KIAA1958: variants seen among roughly 807,000 people sequenced by gnomAD.
The protein encoded by KIAA1958 is KIAA1958.
In KIAA1958, 14 loss-of-function variants were observed where a neutral mutation model predicts 47.2. The ratio of observed to expected loss-of-function variants is 0.30; its 90% CI spans 0.20 to 0.46. The LOEUF is 0.46. Ranked by LOEUF, KIAA1958 falls within the 20% of genes least tolerant of loss-of-function variation. The pLI, the probability that KIAA1958 is intolerant of heterozygous loss-of-function variation, is 1.00. For synonymous variants in KIAA1958, 354 were observed against 353.3 expected (o/e 1.00, Z -0.02); for missense variants, 803 against 909.2 (o/e 0.88, Z 1.50).
intron 2 of KIAA1958, among the ~76,000 whole-genome samples, chr9:112,593,128 G>T (rs181538376): frequency 1.3e-4 from 20 of 152,268 alleles, no homozygotes; most frequent in African/African-American, 4.8e-4. Flanking sequence ...TTGTAATGAT[G>T]TGTATTGCCT....
chr9:112,530,809 A>G (rs1211291957), intron 1 of KIAA1958, among the ~76,000 whole-genome samples: 1 of 152,198 alleles, frequency 6.6e-6, no homozygotes, highest in Non-Finnish European at 1.5e-5. Flanking sequence ...TGCTTAGTCT[A>G]AAAAAAGGAC....
chr9:112,488,863 C>T (rs936261874), intron 1 of KIAA1958, among the ~76,000 whole-genome samples: 6 of 152,060 alleles, frequency 3.9e-5, no homozygotes, highest in Non-Finnish European at 8.8e-5. Flanking sequence ...TATCTAGATT[C>T]TTGTCCCAGT....
chr9:112,538,781 A>G (rs1322491393), intron 1 of KIAA1958, among the ~76,000 whole-genome samples: 1 of 152,226 alleles, frequency 6.6e-6, no homozygotes, highest in Non-Finnish European at 1.5e-5. Flanking sequence ...ACAGTACTAT[A>G]TTAATATATT....
intron 2 of KIAA1958, among the ~76,000 whole-genome samples, chr9:112,579,117 A>G (rs1835696301): frequency 6.6e-6 from 1 of 152,030 alleles, no homozygotes; most frequent in Middle Eastern, 3.2e-3. Flanking sequence ...TCTCATGTAT[A>G]TTGGAAATAC....
At chr9:112,549,967 G>T (rs918853242) in intron 1 of KIAA1958, among the ~76,000 whole-genome samples, 2 of 152,238 alleles carry the variant, frequency 1.3e-5, no homozygotes, top group African/African-American at 2.4e-5. Context: ...GTAGGAAGGT[G>T]TTTTGCCAGC....
At chr9:112,553,743 T>G (rs1187150052) in intron 1 of KIAA1958, among the ~76,000 whole-genome samples, 1 of 152,208 alleles carries the variant, frequency 6.6e-6, no homozygotes, top group Non-Finnish European at 1.5e-5. Flanking sequence ...ATGACGTCAC[T>G]TATCACACAG....
intron 1 of KIAA1958, among the ~76,000 whole-genome samples, chr9:112,502,025 A>G (rs762934902): frequency 1.3e-5 from 2 of 152,228 alleles, no homozygotes; most frequent in Non-Finnish European, 2.9e-5. Flanking sequence ...TACTATGGCA[A>G]TCCAGAAGCT....
At chr9:112,587,622 C>G (rs1835848795) in intron 2 of KIAA1958, among the ~76,000 whole-genome samples, 1 of 152,170 alleles carries the variant, frequency 6.6e-6, no homozygotes, top group Non-Finnish European at 1.5e-5. Flanking sequence ...ACCTATCAGT[C>G]TGCTTTTTTA....
intron 1 of KIAA1958, among the ~76,000 whole-genome samples, chr9:112,545,167 G>C (rs1468770980): frequency 1.3e-5 from 2 of 152,064 alleles, no homozygotes; most frequent in Non-Finnish European, 2.9e-5. Flanking sequence ...GTCTACCGTT[G>C]ACCTCCATTA....
At chr9:112,636,520 C>G (rs1836806805) in intron 2 of KIAA1958, among the ~76,000 whole-genome samples, 1 of 151,980 alleles carries the variant, frequency 6.6e-6, no homozygotes, top group South Asian at 2.1e-4. Flanking sequence ...CTCTTTAATT[C>G]TTTTAATTTT....
At position 112,540,129 on chromosome 9, in the gene KIAA1958, A is replaced by G. The variant is rs560487084; in HGVS notation, c.-24-33928A>G. Among the ~76,000 whole-genome samples the G allele has an allele frequency of 1.8e-4, 27 of 152,334 alleles. No homozygotes were observed. In the East Asian group the frequency reaches 4.6e-3, roughly 26 times the overall value. ...AGGAAAGCAATATGCATTATTTTGTAAAATAGTGACATATGAGCATGGAAT... is the reference window on the plus strand; with the variant it reads ...AGGAAAGCAATATGCATTATTTTGTGAAATAGTGACATATGAGCATGGAAT... On this transcript the variant is annotated intron_variant, in intron 1 of 3. Coordinates refer to ENST00000337530, the MANE Select transcript of KIAA1958 (RefSeq NM_133465.4).
Position 112,507,774 on chromosome 9 carries a change from CTT to C in KIAA1958, c.-25+20658_-25+20659del, listed in dbSNP as rs757612885. 4.4e-4 allele frequency among the ~76,000 whole-genome samples: 67 copies of C among 152,084 alleles called. No homozygotes were observed. The East Asian group carries it at 4.4e-3, about 10-fold the overall frequency. Reference sequence around the variant, plus strand: ...TGTTTTTCTTTCTCTCTCTCTCTTTCTTTCTTTCTTTCTTTTTCTTTCTCTTT... The same window carrying C: ...TGTTTTTCTTTCTCTCTCTCTCTTTCTCTTTCTTTCTTTTTCTTTCTCTTT... On this transcript the variant is annotated intron_variant, in intron 1 of 3. Coordinates refer to ENST00000337530, the MANE Select transcript of KIAA1958 (RefSeq NM_133465.4).
intron 1 of KIAA1958, among the ~76,000 whole-genome samples, chr9:112,508,023 T>TA (rs1306957484): frequency 3.3e-5 from 5 of 152,190 alleles, no homozygotes; most frequent in Middle Eastern, 3.2e-3. Context: ...AATACATATC[T>TA]ATATATACAA....
chr9:112,623,228 C>G (rs2131221379), intron 2 of KIAA1958, among the ~76,000 whole-genome samples: 1 of 152,304 alleles, frequency 6.6e-6, no homozygotes, highest in East Asian at 1.9e-4. Context: ...TGACTATCAC[C>G]TCTTGAGCAC....
chr9:112,571,858 A>C (rs1436772102), intron 1 of KIAA1958, among the ~76,000 whole-genome samples: 1 of 150,970 alleles, frequency 6.6e-6, no homozygotes, highest in Non-Finnish European at 1.5e-5. Flanking sequence ...AATAAAATAA[A>C]AAAAGTTCAG....
chr9:112,535,629 CTATTTTTAA>C (rs1834841434), intron 1 of KIAA1958, among the ~76,000 whole-genome samples: 1 of 152,018 alleles, frequency 6.6e-6, no homozygotes, highest in South Asian at 2.1e-4. Context: ...TATGGGAGTT[CTATTTTTAA>C]TATTTTTTCA....
intron 2 of KIAA1958, among the ~76,000 whole-genome samples, chr9:112,597,582 A>C (rs1030708701): frequency 6.6e-6 from 1 of 152,038 alleles, no homozygotes; most frequent in Non-Finnish European, 1.5e-5. Flanking sequence ...TCCTCCAAAA[A>C]CTTCATTGCC....
At chr9:112,659,039 A>G (rs1193909727) in intron 3 of KIAA1958, among the ~76,000 whole-genome samples, 6 of 142,284 alleles carry the variant, frequency 4.2e-5, no homozygotes, top group East Asian at 4.4e-4. Flanking sequence ...AAAAAAAAAA[A>G]AAAAAGAAAG....
chr9:112,591,327 G>A (rs547900320), intron 2 of KIAA1958, among the ~76,000 whole-genome samples: 106 of 152,010 alleles, frequency 7.0e-4, no homozygotes, highest in Non-Finnish European at 1.2e-3. Context: ...CTCATGATCC[G>A]CCCGTCTCGG....
Sources: gnomAD v4.1 joint callset for allele counts (sites outside exome capture counted in the v4.1 genomes callset) on GRCh38, gnomAD v4.1.1 for gene constraint, MANE v1.5 for transcripts, NCBI Gene and HGNC (gene_info 2026-07-23, HGNC 2026-07-21) for gene names.